Variants in IGSF11 observed in about 807,000 individuals in gnomAD.
IGSF11 encodes the protein immunoglobulin superfamily member 11.
A neutral mutation model predicts 41.0 loss-of-function variants in IGSF11; 22 were observed. The observed-to-expected ratio is 0.54, with a 90% CI of 0.38 to 0.77. The LOEUF is 0.77. Among genes scored for constraint, IGSF11 ranks in the 30% least tolerant of loss-of-function variants. The pLI is 0.00. For synonymous variants in IGSF11, 219 were observed against 201.3 expected (o/e 1.09, Z -0.74); for missense variants, 444 against 530.8 (o/e 0.84, Z 1.61).
At chr3:119,110,164 A>T (rs1443423373), upstream of IGSF11, among the ~76,000 whole-genome samples, 1 of 151,990 alleles carries the variant, frequency 6.6e-6, no homozygotes, top group African/African-American at 2.4e-5. Flanking sequence ...TCTGTCTTGT[A>T]GATCTGACTA....
At chr3:119,022,004 T>C (rs1939341740) in intron 1 of IGSF11, among the ~76,000 whole-genome samples, 1 of 152,220 alleles carries the variant, frequency 6.6e-6, no homozygotes, top group Non-Finnish European at 1.5e-5. Flanking sequence ...CATGGACTCC[T>C]TAATTTTAAA....
chr3:119,090,019 A>G (rs2076739764), intron 1 of IGSF11, among the ~76,000 whole-genome samples: 1 of 152,170 alleles, frequency 6.6e-6, no homozygotes, highest in Admixed American at 6.5e-5. Flanking sequence ...AGCCACAATC[A>G]GTCTTAAAAA....
At chr3:118,991,552 A>G (rs757497980) in intron 1 of IGSF11, among the ~76,000 whole-genome samples, 6 of 152,270 alleles carry the variant, frequency 3.9e-5, no homozygotes, top group Non-Finnish European at 7.3e-5. Flanking sequence ...ACAAAATTAA[A>G]TATTAAAAAG....
chr3:118,937,291 T>C (rs376192111), intron 1 of IGSF11, among the ~76,000 whole-genome samples: 2 of 152,182 alleles, frequency 1.3e-5, no homozygotes. Flanking sequence ...TCAAATTAAG[T>C]TTTATAGTTT....
At chr3:119,085,292 C>T (rs986164444) in intron 1 of IGSF11, among the ~76,000 whole-genome samples, 1 of 152,200 alleles carries the variant, frequency 6.6e-6, no homozygotes, top group East Asian at 1.9e-4. Context: ...TGTCAAAAAA[C>T]TAATTCTCCC....
intron 1 of IGSF11, among the ~76,000 whole-genome samples, chr3:119,018,098 C>G (rs1938927506): frequency 6.6e-6 from 1 of 152,010 alleles, no homozygotes; most frequent in Non-Finnish European, 1.5e-5. Context: ...TTAATAATTC[C>G]CCTTTGAATT....
At chr3:119,054,014 A>G (rs1236654843) in intron 1 of IGSF11, among the ~76,000 whole-genome samples, 1 of 152,180 alleles carries the variant, frequency 6.6e-6, no homozygotes, top group Non-Finnish European at 1.5e-5. Context: ...ACAAAAATCA[A>G]CTCAAGATGG....
chr3:118,959,615 G>A (rs1240009725), intron 1 of IGSF11, among the ~76,000 whole-genome samples: 2 of 152,146 alleles, frequency 1.3e-5, no homozygotes, highest in Non-Finnish European at 1.5e-5. Context: ...AATAGTTAGT[G>A]GTTTTCCGCA....
At chr3:119,033,427 A>C (rs1019399936) in intron 1 of IGSF11, among the ~76,000 whole-genome samples, 2 of 152,242 alleles carry the variant, frequency 1.3e-5, no homozygotes, top group Admixed American at 6.5e-5. Flanking sequence ...CATCACTAAA[A>C]ATATACCTAC....
chr3:119,073,592 G>A (rs542006535), intron 1 of IGSF11, among the ~76,000 whole-genome samples: 29 of 152,326 alleles, frequency 1.9e-4, no homozygotes, highest in Admixed American at 1.1e-3. Context: ...GTGCAGTGCC[G>A]GTGGGCCGGC....
At chr3:118,916,501 A>G (rs1941111294) in intron 4 of IGSF11, among the ~76,000 whole-genome samples, 1 of 151,848 alleles carries the variant, frequency 6.6e-6, no homozygotes, top group African/African-American at 2.4e-5. Context: ...AGATCAAAAG[A>G]GACAATGAAG....
At chr3:119,128,991 T>C (rs1157497155) in intron 1 of IGSF11, among the ~76,000 whole-genome samples, 1 of 152,104 alleles carries the variant, frequency 6.6e-6, no homozygotes, top group Non-Finnish European at 1.5e-5. Flanking sequence ...CCATAAAAAA[T>C]GAGATCGTGT....
Position 119,012,695 on chromosome 3 carries a change from A to G in IGSF11, c.52+21836T>C, listed in dbSNP as rs1480521403. The G allele has an allele frequency of 2.0e-5, 3 of 152,234 alleles. 1 individual carries two copies. The highest frequency in any genetic ancestry group is 6.3e-3 in the Middle Eastern group (2 of 316). 9.4% of individuals were successfully genotyped at this position (152,234 alleles called of 1,614,324 possible). A position where few individuals can be genotyped will look rare whatever the true frequency, so the allele number is the denominator to read the frequency against. On this transcript the variant is annotated intron_variant, in intron 1 of 6. Transcript: ENST00000393775. ...TTATTTTTGCTTTGAAACAGAAATTATAACAAGTGTTTTAAAGATCTATTG... is the reference window on the plus strand; with the variant it reads ...TTATTTTTGCTTTGAAACAGAAATTGTAACAAGTGTTTTAAAGATCTATTG...
chr3:118,927,816 T>C (rs1234863638), intron 3 of IGSF11, among the ~76,000 whole-genome samples: 1 of 152,116 alleles, frequency 6.6e-6, no homozygotes, highest in Admixed American at 6.5e-5. Flanking sequence ...ACAGAAGAAT[T>C]GAAAAATAAA....
At chr3:119,038,863 T>C (rs898458124), upstream of IGSF11, among the ~76,000 whole-genome samples, 1 of 152,206 alleles carries the variant, frequency 6.6e-6, no homozygotes, top group Non-Finnish European at 1.5e-5. Context: ...CAGTTCAGAC[T>C]TTCACTTCCA....
chr3:118,993,356 C>T (rs892137142), intron 1 of IGSF11, among the ~76,000 whole-genome samples: 37 of 152,102 alleles, frequency 2.4e-4, no homozygotes, highest in African/African-American at 6.8e-4. Flanking sequence ...AATTAAAAGA[C>T]AATAACAAGT....
At chr3:119,072,508 T>A (rs754076874) in intron 1 of IGSF11, among the ~76,000 whole-genome samples, 1 of 152,176 alleles carries the variant, frequency 6.6e-6, no homozygotes, top group African/African-American at 2.4e-5. Flanking sequence ...AGATGATGTG[T>A]CCGGAGTTTG....
intron 1 of IGSF11, among the ~76,000 whole-genome samples, chr3:119,095,375 G>C (rs1290904811): frequency 6.6e-6 from 1 of 152,148 alleles, no homozygotes; most frequent in Non-Finnish European, 1.5e-5. Flanking sequence ...GGGTGGCCTT[G>C]CCTGACTCTG....
At chr3:118,966,195 A>G (rs1945664064) in intron 1 of IGSF11, among the ~76,000 whole-genome samples, 1 of 152,206 alleles carries the variant, frequency 6.6e-6, no homozygotes, top group African/African-American at 2.4e-5. Context: ...TTACTTAATT[A>G]AACTCATCTG....
Sources: gnomAD v4.1 joint callset for allele counts (sites outside exome capture counted in the v4.1 genomes callset) on GRCh38, gnomAD v4.1.1 for gene constraint, MANE v1.5 for transcripts, NCBI Gene and HGNC (gene_info 2026-07-23, HGNC 2026-07-21) for gene names.